The following CHSY3 variants were observed in gnomAD, a reference collection of about 807,000 sequenced individuals.
CHSY3 encodes chondroitin sulfate synthase 3, also known as N-acetylgalactosaminyl-proteoglycan 3-beta-glucuronosyltransferase 3.
A neutral mutation model predicts 67.2 loss-of-function variants in CHSY3; 35 were observed. The observed-to-expected ratio is 0.52, with a 90% CI of 0.40 to 0.69. The LOEUF is 0.69. Ranked by LOEUF, CHSY3 falls within the 30% of genes least tolerant of loss-of-function variation. The probability of loss-of-function intolerance (pLI) is 0.00; values close to 1 mark genes in which losing one functional copy is unlikely to be tolerated. For synonymous variants in CHSY3, 474 were observed against 434.7 expected (o/e 1.09, Z -1.12); for missense variants, 1,069 against 1,138.5 (o/e 0.94, Z 0.88).
chr5:130,098,368 C>G (rs1181542931), intron 2 of CHSY3, among the ~76,000 whole-genome samples: 4 of 152,138 alleles, frequency 2.6e-5, no homozygotes, highest in South Asian at 4.1e-4. Flanking sequence ...TTGATATCTG[C>G]CAAACCTTAA....
intron 2 of CHSY3, among the ~76,000 whole-genome samples, chr5:130,067,024 T>C (rs916490876): frequency 2.6e-5 from 4 of 152,304 alleles, no homozygotes; most frequent in Admixed American, 6.5e-5. Context: ...TCTTCTCCTG[T>C]CTGCATTTCA....
Position 129,904,838 on chromosome 5 carries a change from G to A in CHSY3, c.9G>A (p.Val3=). Residue 3 remains valine, a synonymous_variant, in exon 1 of 3, where the codon GTG becomes GTA. Transcript: ENST00000305031. ...CGCCCGGGACAGCCGCGATGGCTGT[G>A]CGCTCTCGCCGCCCGTGGATGAGCG... MA[V]RSRRPWMSVA... is the part of the protein sequence containing the mutation. 1 of 1,439,994 alleles carries A rather than the reference G, an allele frequency of 6.9e-7. No individual in the cohort carries two copies. Among genetic ancestry groups the A allele is most frequent in the Admixed American group, 2.4e-5 (1 of 41,814 alleles). The allele number at this position is 1,439,994 out of a possible 1,614,324, so 89.2% of individuals were successfully genotyped here. A position where few individuals can be genotyped will look rare whatever the true frequency, so the allele number is the denominator to read the frequency against.
rs575333310 is a variant in CHSY3 at position 129,923,724 on chromosome 5, A to C, written c.1086+15364A>C. On this transcript the variant is annotated intron_variant, in intron 2 of 2. Transcript: ENST00000305031. ...CAAGAACTAGGCAGAAGGCAAGGGA[A>C]ACTAGAATTGAAGAAGGCACTTTGG... Among the ~76,000 whole-genome samples, 35 of 152,312 alleles carry C rather than the reference A, an allele frequency of 2.3e-4. No individual in the cohort carries two copies. The South Asian group carries it at 7.2e-3, about 32-fold the overall frequency.
intron 2 of CHSY3, among the ~76,000 whole-genome samples, chr5:129,927,507 A>G (rs1240711941): frequency 1.3e-5 from 2 of 152,046 alleles, no homozygotes; most frequent in African/African-American, 4.8e-5. Flanking sequence ...TTCATCAAGT[A>G]TGTCGTTTGC....
intron 2 of CHSY3, among the ~76,000 whole-genome samples, chr5:129,932,161 A>C (rs1181723449): frequency 6.9e-6 from 1 of 144,602 alleles, no homozygotes; most frequent in Non-Finnish European, 1.5e-5. Context: ...AGAGTTAGCT[A>C]TCTATCAGAG....
chr5:130,123,686 C>A (rs1383169671), intron 2 of CHSY3, among the ~76,000 whole-genome samples: 1 of 152,104 alleles, frequency 6.6e-6, no homozygotes, highest in African/African-American at 2.4e-5. Context: ...TGTGCATGCA[C>A]ACACACAGAG....
chr5:130,033,546 A>C (rs1764760104), intron 2 of CHSY3, among the ~76,000 whole-genome samples: 1 of 152,194 alleles, frequency 6.6e-6, no homozygotes, highest in African/African-American at 2.4e-5. Flanking sequence ...TGTTTTATTA[A>C]TAACAGTAAC....
At chr5:130,150,648 G>A (rs1769209831) in intron 2 of CHSY3, among the ~76,000 whole-genome samples, 1 of 152,072 alleles carries the variant, frequency 6.6e-6, no homozygotes, top group African/African-American at 2.4e-5. Flanking sequence ...TTCCATCATG[G>A]TGCTAAGAGT....
chr5:130,143,730 G>GTATATATATATATATA lies in CHSY3; in HGVS notation c.1087-40498_1087-40497insATATATATATATATAT, dbSNP rs1285066017. 3.0e-3 allele frequency among the ~76,000 whole-genome samples: 310 copies of GTATATATATATATATA among 104,484 alleles called. 17 individuals carry two copies. Among genetic ancestry groups the GTATATATATATATATA allele is most frequent in the African/African-American group, 0.012 (285 of 24,308 alleles). 68.5% of individuals were successfully genotyped at this position (104,484 alleles called of 152,430 possible). A position where few individuals can be genotyped will look rare whatever the true frequency, so the allele number is the denominator to read the frequency against. On this transcript the variant is annotated intron_variant, in intron 2 of 2. Coordinates refer to ENST00000305031, the MANE Select transcript of CHSY3 (RefSeq NM_175856.5). ...AGGGTATATATATATATGTGTGTGTGTGTGTATATATATATATATATATAT... is the reference window on the plus strand; with the variant it reads ...AGGGTATATATATATATGTGTGTGTGTATATATATATATATATGTGTATATATATATATATATATAT...
chr5:130,115,578 TAAAC>T (rs1767765995), intron 2 of CHSY3, among the ~76,000 whole-genome samples: 1 of 152,198 alleles, frequency 6.6e-6, no homozygotes, highest in East Asian at 1.9e-4. Context: ...ATGTATTTAT[TAAAC>T]AAACGATTCA....
chr5:129,985,877 C>A (rs555343241), intron 2 of CHSY3, among the ~76,000 whole-genome samples: 1 of 152,156 alleles, frequency 6.6e-6, no homozygotes, highest in African/African-American at 2.4e-5. Context: ...GATTTTGTAT[C>A]TTGAAACTTG....
intron 2 of CHSY3, among the ~76,000 whole-genome samples, chr5:130,074,309 G>C (rs1411071363): frequency 6.6e-6 from 1 of 151,874 alleles, no homozygotes; most frequent in Non-Finnish European, 1.5e-5. Context: ...AGCCTCAAGT[G>C]ATCCACCCGC....
intron 2 of CHSY3, among the ~76,000 whole-genome samples, chr5:130,046,871 T>G (rs1765169650): frequency 6.6e-6 from 1 of 152,074 alleles, no homozygotes; most frequent in African/African-American, 2.4e-5. Flanking sequence ...GTGTATTCAA[T>G]TGTCATCTTT....
chr5:130,161,469 A>C (rs1443882906), intron 2 of CHSY3, among the ~76,000 whole-genome samples: 1 of 152,172 alleles, frequency 6.6e-6, no homozygotes, highest in African/African-American at 2.4e-5. Flanking sequence ...TCAAGTTCTA[A>C]AGTTTTAAAG....
At chr5:130,063,296 C>A (rs985655826) in intron 2 of CHSY3, among the ~76,000 whole-genome samples, 3 of 151,934 alleles carry the variant, frequency 2.0e-5, no homozygotes, top group Admixed American at 1.3e-4. Flanking sequence ...AACAAATAAG[C>A]CTTTTGTCTT....
upstream of CHSY3, among the ~76,000 whole-genome samples, chr5:129,904,275 G>A (rs1201488748): frequency 1.3e-5 from 2 of 152,012 alleles, no homozygotes; most frequent in East Asian, 2.0e-4. Flanking sequence ...TCTGGACTGA[G>A]GCGCGGACGG....
intron 2 of CHSY3, among the ~76,000 whole-genome samples, chr5:130,183,370 T>C (rs1561574097): frequency 6.6e-6 from 1 of 152,132 alleles, no homozygotes; most frequent in Non-Finnish European, 1.5e-5. Flanking sequence ...GGAGTGTAGA[T>C]CAGTATAGTT....
rs987444720 is a variant in CHSY3 at position 130,101,076 on chromosome 5, C to A, written c.1087-83153C>A. Among the ~76,000 whole-genome samples, 11 of 152,178 alleles carry A rather than the reference C, an allele frequency of 7.2e-5. 1 individual carries two copies. The highest frequency in any genetic ancestry group is 6.5e-4 in the Admixed American group (10 of 15,278). On this transcript the variant is annotated intron_variant, in intron 2 of 2. Coordinates refer to ENST00000305031, the MANE Select transcript of CHSY3 (RefSeq NM_175856.5). ...TTTAATTGAAAGTGAAAACTGCTAG[C>A]AATTGTCTAACAGCTGGAGTATCCG...
intron 2 of CHSY3, among the ~76,000 whole-genome samples, chr5:130,093,803 A>C (rs1014225311): frequency 6.6e-6 from 1 of 152,038 alleles, no homozygotes; most frequent in Non-Finnish European, 1.5e-5. Context: ...TATGGTAACC[A>C]CCAGGAAGCT....
Sources: gnomAD v4.1 joint callset for allele counts (sites outside exome capture counted in the v4.1 genomes callset) on GRCh38, gnomAD v4.1.1 for gene constraint, MANE v1.5 for transcripts, NCBI Gene and HGNC (gene_info 2026-07-23, HGNC 2026-07-21) for gene names.